Variants in SDK1 observed in about 807,000 individuals in gnomAD.
The protein encoded by SDK1 is protein sidekick-1.
Under a neutral mutation model 245.5 loss-of-function variants are expected in SDK1, and 157 were observed. The observed-to-expected ratio is 0.64, with a 90% CI of 0.56 to 0.73. The LOEUF (loss-of-function observed/expected upper bound fraction) is 0.73, where lower values mean the gene tolerates loss of function less well. Ranked by LOEUF, SDK1 falls within the 30% of genes least tolerant of loss-of-function variation. The pLI, the probability that SDK1 is intolerant of heterozygous loss-of-function variation, is 0.00. For missense variants in SDK1, 3,583 were observed against 3,002.3 expected, an observed-to-expected ratio of 1.19 and a Z score of -4.52; for synonymous variants, 1,647 against 1,278.5, an observed-to-expected ratio of 1.29 and a Z score of -6.15.
chr7:3,691,596 A>G (rs1424226078), intron 4 of SDK1, among the ~76,000 whole-genome samples: 1 of 151,602 alleles, frequency 6.6e-6, no homozygotes, highest in Non-Finnish European at 1.5e-5. Context: ...ATGATATTTT[A>G]AAAGGAAAAA....
chr7:3,686,686 C>T (rs1784292842), intron 4 of SDK1, among the ~76,000 whole-genome samples: 1 of 152,208 alleles, frequency 6.6e-6, no homozygotes, highest in Non-Finnish European at 1.5e-5. Context: ...GAAGCTACGA[C>T]TCTGTTGCTG....
chr7:4,097,313 G>A (rs999538476), intron 22 of SDK1, among the ~76,000 whole-genome samples: 1 of 127,146 alleles, frequency 7.9e-6, no homozygotes, highest in African/African-American at 3.4e-5. Flanking sequence ...GTAACGTCCT[G>A]TATTTATTTT....
intron 1 of SDK1, among the ~76,000 whole-genome samples, chr7:3,502,664 T>G (rs1055314536): frequency 2.6e-5 from 4 of 152,226 alleles, no homozygotes; most frequent in African/African-American, 7.2e-5. Flanking sequence ...TACACTTATA[T>G]TTTTTAATTT....
At chr7:3,747,106 A>G (rs985827644) in intron 4 of SDK1, among the ~76,000 whole-genome samples, 2 of 152,208 alleles carry the variant, frequency 1.3e-5, no homozygotes, top group Non-Finnish European at 2.9e-5. Context: ...CTCTTGGGTA[A>G]CCAGGTGCAT....
intron 4 of SDK1, among the ~76,000 whole-genome samples, chr7:3,686,072 C>CT (rs35200592): frequency 0.55 from 83,809 of 151,704 alleles, 26,887 homozygotes; most frequent in Non-Finnish European, 0.74. Flanking sequence ...ATGAGGCAAA[C>CT]TTTTTTTTAT....
intron 17 of SDK1, among the ~76,000 whole-genome samples, chr7:4,020,765 A>G (rs60644248): frequency 0.072 from 10,992 of 152,204 alleles, 1,259 homozygotes; most frequent in African/African-American, 0.25. Context: ...CTCCATATTT[A>G]CTACTAATGT....
intron 5 of SDK1, among the ~76,000 whole-genome samples, chr7:3,905,215 T>C (rs1188614558): frequency 1.3e-5 from 2 of 152,158 alleles, no homozygotes; most frequent in Non-Finnish European, 2.9e-5. Flanking sequence ...TACGTGTTTG[T>C]TATACCACGG....
chr7:3,528,251 CTAGGGGGTGAGTGG>C (rs1382914631), intron 1 of SDK1, among the ~76,000 whole-genome samples: 1 of 130,138 alleles, frequency 7.7e-6, no homozygotes, highest in East Asian at 2.3e-4. Context: ...TGATATTCAG[CTAGGGGGTGAGTGG>C]TAGGAGGTGA....
At chr7:4,242,133 GA>G (rs1468656783) in intron 43 of SDK1, among the ~76,000 whole-genome samples, 1 of 152,190 alleles carries the variant, frequency 6.6e-6, no homozygotes, top group African/African-American at 2.4e-5. Context: ...GACATCTCCG[GA>G]GATTTAGAAA....
At chr7:4,084,766 T>C (rs1189893011) in intron 22 of SDK1, among the ~76,000 whole-genome samples, 3 of 149,826 alleles carry the variant, frequency 2.0e-5, no homozygotes, top group Non-Finnish European at 4.4e-5. Flanking sequence ...TTTATTTTAT[T>C]TTATTTATTT....
chr7:3,645,092 G>A (rs1265429809), intron 4 of SDK1, among the ~76,000 whole-genome samples: 1 of 152,146 alleles, frequency 6.6e-6, no homozygotes, highest in Non-Finnish European at 1.5e-5. Context: ...ATATGCATGA[G>A]ACAGCACTTA....
intron 14 of SDK1, among the ~76,000 whole-genome samples, chr7:4,004,703 T>G (rs1256510864): frequency 6.6e-6 from 1 of 152,306 alleles, no homozygotes; most frequent in African/African-American, 2.4e-5. Context: ...ATTCCAGAAA[T>G]TATGTCAATT....
intron 1 of SDK1, among the ~76,000 whole-genome samples, chr7:3,434,663 A>G (rs1297244681): frequency 6.6e-6 from 1 of 152,180 alleles, no homozygotes; most frequent in Non-Finnish European, 1.5e-5. Flanking sequence ...GCCCAAGCCA[A>G]CTTTACCGAG....
At chr7:3,885,449 T>C (rs1781315025) in intron 5 of SDK1, among the ~76,000 whole-genome samples, 1 of 152,146 alleles carries the variant, frequency 6.6e-6, no homozygotes, top group Non-Finnish European at 1.5e-5. Context: ...GTTTTCTGTT[T>C]ATTGTACGTT....
chr7:4,077,294 A>G, intron 21 of SDK1, 105 bp downstream of exon 21: 1 of 1,113,722 alleles, frequency 9.0e-7, no homozygotes. Context: ...GAGTGCCTTG[A>G]AAAGGAGTAG....
chr7:3,903,427 C>T (rs970789636), intron 5 of SDK1, among the ~76,000 whole-genome samples: 26 of 152,018 alleles, frequency 1.7e-4, no homozygotes, highest in South Asian at 4.2e-4. Flanking sequence ...ATTACAGGCA[C>T]GAGCCACCGC....
chr7:3,977,412 CTGAGGCTGCCACACAGAGGGT>C (rs1783033379), intron 13 of SDK1, among the ~76,000 whole-genome samples: 1 of 108,644 alleles, frequency 9.2e-6, no homozygotes. Context: ...GGTCCCGGGG[CTGAGGCTGCCACACAGAGGGT>C]CCTCCAGCTT....
intron 4 of SDK1, among the ~76,000 whole-genome samples, chr7:3,776,081 A>G (rs867029079): frequency 1.2e-4 from 18 of 152,366 alleles, no homozygotes; most frequent in African/African-American, 4.1e-4. Flanking sequence ...TCAAAGTGCC[A>G]GACACTGGAG....
chr7:4,121,928 T>A (rs1258536273), intron 25 of SDK1, among the ~76,000 whole-genome samples: 13 of 152,198 alleles, frequency 8.5e-5, no homozygotes, highest in Admixed American at 8.5e-4. Context: ...TTCACGTGTT[T>A]CCATCAAAAA....
Sources: gnomAD v4.1 joint callset for allele counts (sites outside exome capture counted in the v4.1 genomes callset) on GRCh38, gnomAD v4.1.1 for gene constraint, MANE v1.5 for transcripts, NCBI Gene and HGNC (gene_info 2026-07-23, HGNC 2026-07-21) for gene names.